Variants in LGI2 observed in about 807,000 individuals in gnomAD.
LGI2 encodes leucine rich repeat LGI family member 2.
In LGI2, 30 loss-of-function variants were observed where a neutral mutation model predicts 52.0. The ratio of observed to expected loss-of-function variants is 0.58; its 90% confidence interval spans 0.43 to 0.78. The LOEUF (loss-of-function observed/expected upper bound fraction) is 0.78, where lower values mean the gene tolerates loss of function less well. Among genes scored for constraint, LGI2 ranks in the 30% least tolerant of loss-of-function variants. The probability of loss-of-function intolerance (pLI) is 0.00; values close to 1 mark genes in which losing one functional copy is unlikely to be tolerated. For synonymous variants in LGI2, 270 were observed against 271.8 expected (o/e 0.99, Z 0.06); for missense variants, 573 against 692.5 (o/e 0.83, Z 1.94).
intron 6 of LGI2, 111 bp from the exon 7 acceptor site, chr4:25,012,610 G>A: frequency 9.0e-7 from 1 of 1,113,110 alleles, no homozygotes; most frequent in Non-Finnish European, 1.3e-6. Flanking sequence ...TGGGGAGGAG[G>A]AGGAGGATAG....
intron 7 of LGI2, among the ~76,000 whole-genome samples, chr4:25,006,253 C>G (rs1171423680): frequency 7.7e-6 from 1 of 130,128 alleles, no homozygotes; most frequent in Non-Finnish European, 1.7e-5. Context: ...CCTTATCACC[C>G]TGCACCCAGA....
intron 7 of LGI2, among the ~76,000 whole-genome samples, chr4:25,010,685 A>G (rs546348039): frequency 1.8e-4 from 28 of 152,262 alleles, no homozygotes; most frequent in African/African-American, 6.7e-4. Flanking sequence ...CCTCTAACCT[A>G]TGGGCAGGTG....
chr4:25,003,244 A>C lies in LGI2; in HGVS notation c.*207T>G. The C allele has an allele frequency of 2.2e-6, 1 of 464,836 alleles. No individual in the cohort carries two copies. 28.8% of individuals were successfully genotyped at this position (464,836 alleles called of 1,614,324 possible). ...TTACAGGCTTTAAGATTTTTTTTTA[A>C]ATGGTAGAATGGGCATGTCATGCAG... On this transcript the variant is annotated 3_prime_UTR_variant, in exon 8 of 8. Coordinates refer to ENST00000382114, the MANE Select transcript of LGI2 (RefSeq NM_018176.4).
In LGI2 at chr4:24,999,126, G is replaced by C. The variant is rs1378583192; in HGVS notation, c.*4325C>G. On this transcript the variant is annotated 3_prime_UTR_variant, in exon 8 of 8. Coordinates refer to ENST00000382114, the MANE Select transcript of LGI2 (RefSeq NM_018176.4). ...TTCCTGATAATCAAAGGGACTGATA[G>C]GGAATGCATAGTTTCCTACTAGAAA... is the stretch of plus-strand genomic sequence containing the variant. 1.3e-5 allele frequency: 2 copies of C among 152,132 alleles called. No individual in the cohort carries two copies. The highest frequency in any genetic ancestry group is 4.8e-5 in the African/African-American group (2 of 41,422). 9.4% of individuals were successfully genotyped at this position (152,132 alleles called of 1,614,324 possible).
At position 25,001,454 on chromosome 4, in the gene LGI2, G is replaced by A. The variant is rs1056257533; in HGVS notation, c.*1997C>T. The stretch of plus-strand genomic sequence containing the variant: ...TCTGAGTGGTTCCATGCAACAGAAA[G>A]AATAGCTTGCCATCTTTAGGACTGG... On this transcript the variant is annotated 3_prime_UTR_variant, in exon 8 of 8. Coordinates refer to ENST00000382114, the MANE Select transcript of LGI2 (RefSeq NM_018176.4). The A allele has an allele frequency of 2.6e-5, 4 of 152,104 alleles. No homozygotes were observed. The highest frequency in any genetic ancestry group is 2.1e-4 in the South Asian group (1 of 4,826). 9.4% of individuals were successfully genotyped at this position (152,104 alleles called of 1,614,324 possible). A position where few individuals can be genotyped will look rare whatever the true frequency, so the allele number is the denominator to read the frequency against.
At chr4:24,996,295 G>C (rs1460363517), downstream of LGI2, among the ~76,000 whole-genome samples, 1 of 152,110 alleles carries the variant, frequency 6.6e-6, no homozygotes, top group East Asian at 1.9e-4. Flanking sequence ...GAACGCTTTT[G>C]TATCTTTCTT....
At chr4:25,010,204 C>T (rs531890960) in intron 7 of LGI2, among the ~76,000 whole-genome samples, 5 of 152,060 alleles carry the variant, frequency 3.3e-5, no homozygotes, top group Non-Finnish European at 5.9e-5. Context: ...TGCTTGAACC[C>T]GGGAGGCAGA....
chr4:25,019,237 A>C lies in LGI2; in HGVS notation c.415T>G (p.Ser139Ala), dbSNP rs747634414. Residue 139 changes from serine to alanine, a missense_variant and splice_region_variant, in exon 5 of 8, where the codon TCT (serine) becomes GCT (alanine). By Grantham distance (99) the Ser-to-Ala change is moderately conservative (BLOSUM62 1). Coordinates refer to ENST00000382114, the MANE Select transcript of LGI2 (RefSeq NM_018176.4). Reference sequence around the variant, plus strand: ...GCTTTTATGTGGTTATTGGCCAAAGAACTAGAACAAGAAAGTCACATTGCA... The same window carrying C: ...GCTTTTATGTGGTTATTGGCCAAAGCACTAGAACAAGAAAGTCACATTGCA... ...FRGLRDLTHLSLANNHIKALP... is the reference protein window; with the variant it reads ...FRGLRDLTHLALANNHIKALP... The C allele has an allele frequency of 6.2e-7, 1 of 1,601,520 alleles. No individual in the cohort carries two copies. Among genetic ancestry groups the C allele is most frequent in the South Asian group, 1.1e-5 (1 of 89,872 alleles).
At position 25,004,218 on chromosome 4, in the gene LGI2, C is replaced by G; in HGVS notation, c.871G>C (p.Val291Leu). The G allele has an allele frequency of 6.2e-7, 1 of 1,614,114 alleles. No homozygotes were observed. The highest frequency in any genetic ancestry group is 8.5e-7 in the Non-Finnish European group (1 of 1,180,010). Residue 291 changes from valine (V) to leucine (L), a missense_variant, in exon 8 of 8, where the codon GTG (valine) becomes CTG (leucine). Coordinates refer to ENST00000382114, the MANE Select transcript of LGI2 (RefSeq NM_018176.4). This position sits in a 1 kb window ranked among gnomAD's most constrained non-coding sequence, Gnocchi z 4.6. The part of the protein sequence containing the change: ...KAILIDDQVF[V>L]VVAQLFGGSH... Reference sequence around the variant, plus strand: ...CCACCGAAGAGCTGGGCTACCACCACAAAGACCTGATCATCGATGAGAATG... The same window carrying G: ...CCACCGAAGAGCTGGGCTACCACCAGAAAGACCTGATCATCGATGAGAATG...
At position 25,019,171 on chromosome 4, in the gene LGI2, C is replaced by T. The variant is rs1725867864; in HGVS notation, c.481G>A (p.Glu161Lys). 6.3e-7 allele frequency: 1 copy of T among 1,590,468 alleles called. No homozygotes were observed. The highest frequency in any genetic ancestry group is 8.6e-7 in the Non-Finnish European group (1 of 1,160,902). The change falls in exon 5 of 8, where the codon GAA becomes AAA. Residue 161 changes from glutamate to lysine, a missense_variant. Glu to Lys is a moderately conservative substitution (Grantham distance 56). Transcript: ENST00000382114. ...AAACTAAATTTCATTACTTACAGTT[C>T]AATCAGAGAGTCTAAATCACTGAAG... ...DVFSDLDSLI[E>K]LDLRGNKFEC...
chr4:25,015,156 C>T (rs1199062344), intron 6 of LGI2, among the ~76,000 whole-genome samples: 1 of 152,198 alleles, frequency 6.6e-6, no homozygotes, highest in Non-Finnish European at 1.5e-5. Flanking sequence ...GTGGAATCAA[C>T]AGATTTTTAC....
At position 25,003,306 on chromosome 4, in the gene LGI2, T is replaced by C; in HGVS notation, c.*145A>G. 1 of 605,266 alleles carries C rather than the reference T, an allele frequency of 1.7e-6. No individual in the cohort carries two copies. Among genetic ancestry groups the C allele is most frequent in the Non-Finnish European group, 2.8e-6 (1 of 355,642 alleles). 37.5% of individuals were successfully genotyped at this position (605,266 alleles called of 1,614,324 possible). ...ATGCAATCCCTGATTAAAATGTGAG[T>C]TCTAAAAGTTTGAAAACATCTAACT... On this transcript the variant is annotated 3_prime_UTR_variant, in exon 8 of 8. Transcript: ENST00000382114.
chr4:25,006,080 A>G (rs1337923388), intron 7 of LGI2, among the ~76,000 whole-genome samples: 5 of 152,270 alleles, frequency 3.3e-5, no homozygotes, highest in Admixed American at 6.5e-5. Flanking sequence ...TATAATCACA[A>G]GACCTTGCCC....
chr4:24,992,780 C>G, the LGI2 span, among the ~76,000 whole-genome samples: 1 of 152,220 alleles, frequency 6.6e-6, no homozygotes, highest in South Asian at 2.1e-4. Flanking sequence ...GACCCCCTCA[C>G]CCTCTTGTGT....
At chr4:24,992,556 A>C in the LGI2 span, among the ~76,000 whole-genome samples, 11 of 151,948 alleles carry the variant, frequency 7.2e-5, no homozygotes, top group African/African-American at 2.4e-4. Flanking sequence ...TCTACTAAAA[A>C]TAAAAAAAAA....
At position 24,999,796 on chromosome 4, in the gene LGI2, C is replaced by T. The variant is rs1287548403; in HGVS notation, c.*3655G>A. On this transcript the variant is annotated 3_prime_UTR_variant, in exon 8 of 8. Transcript: ENST00000382114. ...ACTCCATGGGGAAGAAAAAATGCAA[C>T]TCTGCCATTTCCAGTGTGCTTCCTG... The T allele has an allele frequency of 2.2e-6, 1 of 456,126 alleles. No individual in the cohort carries two copies. The highest frequency in any genetic ancestry group is 4.4e-6 in the Non-Finnish European group (1 of 226,912). The allele number at this position is 456,126 out of a possible 1,614,324, so 28.3% of individuals were successfully genotyped here. A position where few individuals can be genotyped will look rare whatever the true frequency, so the allele number is the denominator to read the frequency against.
chr4:25,023,102 T>A (rs925159806), intron 4 of LGI2, among the ~76,000 whole-genome samples: 69 of 152,266 alleles, frequency 4.5e-4, no homozygotes, highest in Non-Finnish European at 2.9e-5. Context: ...ATGATGCCAA[T>A]TATGCCTTGA....
chr4:25,030,669 C>A lies in LGI2; in HGVS notation c.25G>T (p.Gly9Ter). The change falls in exon 1 of 8, where the codon GGA (glycine) becomes TGA (stop). Residue 9 changes from glycine (G) to a stop codon, truncating the protein, a stop_gained. Coordinates refer to ENST00000382114, the MANE Select transcript of LGI2 (RefSeq NM_018176.4). LOFTEE classifies it high-confidence loss of function. MALRRGGC[G>*]ALGLLLLLLG... ...AGCAGCAGCAGCAGCCCGAGCGCTC[C>A]GCAGCCGCCTCTCCGCAGCGCCATG... 1 of 1,514,266 alleles carries A rather than the reference C, an allele frequency of 6.6e-7. No homozygotes were observed. The highest frequency in any genetic ancestry group is 8.8e-7 in the Non-Finnish European group (1 of 1,134,852). The allele number at this position is 1,514,266 out of a possible 1,614,324, so 93.8% of individuals were successfully genotyped here.
intron 7 of LGI2, among the ~76,000 whole-genome samples, chr4:25,010,402 G>A (rs1024582689): frequency 1.3e-5 from 2 of 152,202 alleles, no homozygotes; most frequent in Non-Finnish European, 2.9e-5. Context: ...AACAGTGGGT[G>A]ACTGGACATG....
Sources: allele counts gnomAD v4.1 joint callset (sites outside exome capture counted in the v4.1 genomes callset), GRCh38; gene constraint gnomAD v4.1.1; non-coding constraint Gnocchi (gnomAD v3.1); transcripts MANE v1.5; gene names NCBI Gene and HGNC (gene_info 2026-07-23, HGNC 2026-07-21).